Variants in TCF12 observed in about 807,000 individuals in gnomAD.
TCF12 encodes DNA-binding protein HTF4.
A neutral mutation model predicts 86.0 loss-of-function variants in TCF12; 45 were observed. The observed-to-expected ratio is 0.52, with a 90% confidence interval of 0.41 to 0.67. TCF12 has a LOEUF of 0.67. TCF12 is among the 30% of genes least tolerant of loss of function. The pLI is 0.00. For synonymous variants in TCF12, 330 were observed against 299.6 expected, an observed-to-expected ratio of 1.10 and a Z score of -1.05; for missense variants, 881 against 859.9, an observed-to-expected ratio of 1.02 and a Z score of -0.31.
chr15:56,939,240 A>C (rs1236520835), intron 3 of TCF12, among the ~76,000 whole-genome samples: 4 of 152,214 alleles, frequency 2.6e-5, no homozygotes, highest in African/African-American at 9.6e-5. Context: ...TATACATTAC[A>C]AATGTAGCAT....
chr15:57,078,763 G>A (rs1264375919), intron 4 of TCF12, among the ~76,000 whole-genome samples: 2 of 152,128 alleles, frequency 1.3e-5, no homozygotes, highest in African/African-American at 4.8e-5. Flanking sequence ...AAGCACACCT[G>A]GCATTTAGGA....
At chr15:57,165,779 G>A (rs1311254378) in intron 5 of TCF12, among the ~76,000 whole-genome samples, 1 of 151,950 alleles carries the variant, frequency 6.6e-6, no homozygotes, top group Non-Finnish European at 1.5e-5. Flanking sequence ...CTCGTGATCC[G>A]CCCGCCTTCG....
intron 3 of TCF12, among the ~76,000 whole-genome samples, chr15:56,937,624 A>G (rs1489263276): frequency 6.7e-6 from 1 of 149,432 alleles, no homozygotes; most frequent in Non-Finnish European, 1.5e-5. Flanking sequence ...GTCTTGTTCC[A>G]ATTCTCGGAG....
chr15:57,130,283 A>T (rs1245202448), intron 5 of TCF12, among the ~76,000 whole-genome samples: 1 of 152,194 alleles, frequency 6.6e-6, no homozygotes, highest in Non-Finnish European at 1.5e-5. Flanking sequence ...CTTAAAGCTA[A>T]CCTGTTTTTA....
intron 3 of TCF12, among the ~76,000 whole-genome samples, chr15:57,029,065 G>T (rs1430296637): frequency 6.6e-6 from 1 of 152,110 alleles, no homozygotes; most frequent in Non-Finnish European, 1.5e-5. Flanking sequence ...CTCCCATAGT[G>T]CTAGGATACA....
At chr15:57,075,364 A>G (rs1737805070) in intron 4 of TCF12, among the ~76,000 whole-genome samples, 1 of 152,054 alleles carries the variant, frequency 6.6e-6, no homozygotes, top group South Asian at 2.1e-4. Flanking sequence ...GCACATCTTT[A>G]TGTTGTTAAC....
At chr15:57,270,930 C>T (rs1213882204) in intron 18 of TCF12, among the ~76,000 whole-genome samples, 4 of 152,192 alleles carry the variant, frequency 2.6e-5, no homozygotes, top group Non-Finnish European at 5.9e-5. Context: ...CTGATCCTTC[C>T]TCTGGAAGCT....
intron 3 of TCF12, among the ~76,000 whole-genome samples, chr15:56,952,915 G>C (rs1240007000): frequency 6.6e-6 from 1 of 150,768 alleles, no homozygotes; most frequent in Non-Finnish European, 1.5e-5. Context: ...GGTGAGAACA[G>C]ATATCCTTGT....
At chr15:57,201,093 G>A (rs1401185984) in intron 8 of TCF12, among the ~76,000 whole-genome samples, 1 of 152,142 alleles carries the variant, frequency 6.6e-6, no homozygotes, top group Non-Finnish European at 1.5e-5. Flanking sequence ...AAGAAGTGAT[G>A]TTTTTAAAGC....
intron 5 of TCF12, among the ~76,000 whole-genome samples, chr15:57,111,840 G>A (rs183507477): frequency 1.8e-3 from 274 of 152,206 alleles, no homozygotes; most frequent in Non-Finnish European, 3.0e-3. Context: ...CAGTCCACTA[G>A]CCTCAGCCTT....
chr15:56,960,186 A>T, intron 3 of TCF12, among the ~76,000 whole-genome samples: 1 of 152,212 alleles, frequency 6.6e-6, no homozygotes. Context: ...TATAGAAATC[A>T]TTAAATTACA....
intron 1 of TCF12, 198 bp downstream of exon 1, chr15:56,919,104 G>A (rs2059636451): frequency 6.6e-6 from 1 of 151,866 alleles, no homozygotes; most frequent in East Asian, 2.0e-4. Flanking sequence ...GGGCGCTCAG[G>A]CCCGCTGGCG....
intron 3 of TCF12, among the ~76,000 whole-genome samples, chr15:57,042,759 T>G (rs2066980398): frequency 6.6e-6 from 1 of 152,190 alleles, no homozygotes; most frequent in Non-Finnish European, 1.5e-5. Flanking sequence ...TCTACTTTTT[T>G]GTTTTTTATT....
chr15:57,266,992 G>T (rs1266626329), intron 18 of TCF12, among the ~76,000 whole-genome samples: 1 of 152,156 alleles, frequency 6.6e-6, no homozygotes, highest in Non-Finnish European at 1.5e-5. Flanking sequence ...TCATGCCACT[G>T]CATTCTAGCC....
At chr15:57,277,823 C>G (rs1421304127) in intron 19 of TCF12, among the ~76,000 whole-genome samples, 1 of 151,672 alleles carries the variant, frequency 6.6e-6, no homozygotes, top group African/African-American at 2.4e-5. Flanking sequence ...CCTGAAGTAC[C>G]AGCTACTTGG....
At chr15:57,025,333 C>A (rs1373076004) in intron 3 of TCF12, among the ~76,000 whole-genome samples, 1 of 152,142 alleles carries the variant, frequency 6.6e-6, no homozygotes, top group South Asian at 2.1e-4. Context: ...CCTGCCTCAG[C>A]CTTGCAAAAG....
intron 19 of TCF12, among the ~76,000 whole-genome samples, chr15:57,278,262 A>G (rs2061495486): frequency 1.3e-5 from 2 of 152,244 alleles, no homozygotes; most frequent in Non-Finnish European, 1.5e-5. Context: ...AATAAATCCC[A>G]TGACAAGAGC....
At position 57,192,118 on chromosome 15, in the gene TCF12, C is replaced by T. The variant is rs80000995; in HGVS notation, c.391-40C>T. The T allele has an allele frequency of 0.02, 32,949 of 1,607,666 alleles. 2,397 individuals are homozygous for T. The East Asian group carries it at 0.24, about 12-fold the overall frequency. ...GAAATTTTCAGGTTTGGGTCAGTAT[C>T]AGCAGGAAAATAACTTGTTTCCTTG... On this transcript the variant is annotated intron_variant, in intron 6 of 20. Transcript: ENST00000333725.
At chr15:57,019,974 T>C (rs1432264572) in intron 3 of TCF12, among the ~76,000 whole-genome samples, 1 of 152,146 alleles carries the variant, frequency 6.6e-6, no homozygotes, top group African/African-American at 2.4e-5. Flanking sequence ...ACTGCATTTC[T>C]CCCATGGTTA....
Sources: gnomAD v4.1 joint callset for allele counts (sites outside exome capture counted in the v4.1 genomes callset) on GRCh38, gnomAD v4.1.1 for gene constraint, MANE v1.5 for transcripts, NCBI Gene and HGNC (gene_info 2026-07-23, HGNC 2026-07-21) for gene names.